The following RALGAPA2 variants were observed in gnomAD, a reference collection of about 807,000 sequenced individuals.
The protein encoded by RALGAPA2 is ral GTPase-activating protein subunit alpha-2.
A neutral mutation model predicts 230.4 loss-of-function variants in RALGAPA2; 139 were observed. The observed-to-expected ratio is 0.60, with a 90% CI of 0.53 to 0.69. The LOEUF (loss-of-function observed/expected upper bound fraction) is 0.69, where lower values mean the gene tolerates loss of function less well. Ranked by LOEUF, RALGAPA2 falls within the 30% of genes least tolerant of loss-of-function variation. The pLI, the probability that RALGAPA2 is intolerant of heterozygous loss-of-function variation, is 0.00. For missense variants in RALGAPA2, 2,163 were observed against 2,276.0 expected, an observed-to-expected ratio of 0.95 and a Z score of 1.01; for synonymous variants, 847 against 837.8, an observed-to-expected ratio of 1.01 and a Z score of -0.19.
rs1011938135 is a variant in RALGAPA2, at chr20:20,601,953, G to A, written c.2039-107C>T. The A allele has an allele frequency of 2.9e-6, 3 of 1,035,318 alleles. No homozygotes were observed. In the African/African-American group the frequency reaches 4.9e-5, roughly 17 times the overall value. 64.1% of individuals were successfully genotyped at this position (1,035,318 alleles called of 1,614,324 possible). A position where few individuals can be genotyped will look rare whatever the true frequency, so the allele number is the denominator to read the frequency against. On this transcript the variant is annotated intron_variant, in intron 15 of 39. Transcript: ENST00000202677. ...ACCTACAACTATATATAATCAGCAGGTTTCCTTGTCACAAATTAAGTACCA... is the reference window on the plus strand; with the variant it reads ...ACCTACAACTATATATAATCAGCAGATTTCCTTGTCACAAATTAAGTACCA...
intron 12 of RALGAPA2, 130 bp downstream of exon 12, chr20:20,619,147 T>C (rs929980978): frequency 5.1e-6 from 5 of 988,136 alleles, no homozygotes; most frequent in Non-Finnish European, 5.3e-6. Flanking sequence ...AAATTGCTGT[T>C]TATCGTTTAC....
chr20:20,526,891 G>A lies in RALGAPA2; in HGVS notation c.3583-529C>T, dbSNP rs2063219579. On this transcript the variant is annotated intron_variant, in intron 27 of 39. Transcript: ENST00000202677. ...CATACTAAGAATGTGTAAAATTAGA[G>A]TGTAGGAGAAGATAACTAATGAATT... 3.3e-5 allele frequency among the ~76,000 whole-genome samples: 5 copies of A among 152,318 alleles called. No homozygotes were observed. In the South Asian group the frequency reaches 1.0e-3, roughly 32 times the overall value.
At chr20:20,474,493 T>C (rs759779239) in intron 36 of RALGAPA2, among the ~76,000 whole-genome samples, 10 of 152,122 alleles carry the variant, frequency 6.6e-5, no homozygotes, top group Non-Finnish European at 8.8e-5. Context: ...CAAAGGGGAA[T>C]TATGGAGACT....
chr20:20,536,733 T>C lies in RALGAPA2; in HGVS notation c.3337A>G (p.Asn1113Asp), dbSNP rs781357309. 3 of 1,613,076 alleles carry C rather than the reference T, an allele frequency of 1.9e-6. No homozygotes were observed. The highest frequency in any genetic ancestry group is 1.3e-5 in the African/African-American group (1 of 75,002). ...TVLGSLVCFP[N>D]TYQEIPLLQS... Reference sequence around the variant, plus strand: ...AGTAAAGGAATCTCCTGGTAGGTATTTGGAAAGCAGACCAGAGAGCCGAGG... The same window carrying C: ...AGTAAAGGAATCTCCTGGTAGGTATCTGGAAAGCAGACCAGAGAGCCGAGG... The change falls in exon 25 of 40, where the codon AAT becomes GAT. Residue 1113 changes from asparagine (N) to aspartate (D), a missense_variant. Physicochemically the swap from Asn to Asp is conservative, Grantham distance 23. Coordinates refer to ENST00000202677, the MANE Select transcript of RALGAPA2 (RefSeq NM_020343.4).
intron 37 of RALGAPA2, among the ~76,000 whole-genome samples, chr20:20,440,707 A>G (rs1403860919): frequency 1.3e-5 from 2 of 152,196 alleles, no homozygotes; most frequent in African/African-American, 4.8e-5. Flanking sequence ...AGACAGCGAG[A>G]GCAGAGCACC....
intron 37 of RALGAPA2, among the ~76,000 whole-genome samples, chr20:20,445,645 A>G (rs1035627263): frequency 3.3e-5 from 5 of 152,242 alleles, no homozygotes; most frequent in African/African-American, 9.6e-5. Context: ...GATCTATAGC[A>G]TAGCCTCCAA....
intron 1 of RALGAPA2, among the ~76,000 whole-genome samples, chr20:20,709,238 G>C (rs950725801): frequency 6.6e-6 from 1 of 152,066 alleles, no homozygotes; most frequent in Admixed American, 6.6e-5. Flanking sequence ...AGAATTGCTT[G>C]AGCCCAGGAG....
intron 39 of RALGAPA2, among the ~76,000 whole-genome samples, chr20:20,395,767 C>A (rs983230055): frequency 1.3e-5 from 2 of 152,158 alleles, no homozygotes; most frequent in African/African-American, 4.8e-5. Flanking sequence ...ACAGCCCTGC[C>A]TAGCAGAGGA....
At chr20:20,477,021 A>G (rs2061668328) in intron 36 of RALGAPA2, among the ~76,000 whole-genome samples, 1 of 152,208 alleles carries the variant, frequency 6.6e-6, no homozygotes, top group Non-Finnish European at 1.5e-5. Flanking sequence ...AAGTAAAATG[A>G]ATCAATAGGC....
chr20:20,473,078 C>T (rs190795261), intron 36 of RALGAPA2, 122 bp from the exon 37 acceptor site: 42 of 1,066,352 alleles, frequency 3.9e-5, no homozygotes, highest in African/African-American at 2.4e-4. Context: ...ACAGAGCAGA[C>T]GCTGACCTTA....
chr20:20,705,497 C>A (rs944261854), intron 1 of RALGAPA2, among the ~76,000 whole-genome samples: 4 of 151,960 alleles, frequency 2.6e-5, no homozygotes, highest in Non-Finnish European at 5.9e-5. Flanking sequence ...GCAATTGCAC[C>A]CAGCTTGATT....
At chr20:20,605,140 A>C in intron 15 of RALGAPA2, 35 bp downstream of exon 15, 8 of 1,526,692 alleles carry the variant, frequency 5.2e-6, no homozygotes, top group Non-Finnish European at 5.4e-6. Context: ...CCCCAGTCCT[A>C]GACATCTGGT....
intron 38 of RALGAPA2, among the ~76,000 whole-genome samples, chr20:20,399,141 T>TGACC (rs2059778985): frequency 6.6e-6 from 1 of 152,084 alleles, no homozygotes; most frequent in South Asian, 2.1e-4. Context: ...GGTCAGGAGT[T>TGACC]TGAGACCAGC....
rs138346023 is a variant in RALGAPA2, at chr20:20,648,526, C to A, written c.329-4977G>T. Among the ~76,000 whole-genome samples, 374 of 151,914 alleles carry A rather than the reference C, an allele frequency of 2.5e-3. 4 individuals carry two copies. Among genetic ancestry groups the A allele is most frequent in the African/African-American group, 8.7e-3 (360 of 41,386 alleles). ...TACTGTGTATAAATTGTTAACCACC[C>A]CCCATAAATATTTTTTTTTTAATAT... On this transcript the variant is annotated intron_variant, in intron 4 of 39. Coordinates refer to ENST00000202677, the MANE Select transcript of RALGAPA2 (RefSeq NM_020343.4).
intron 35 of RALGAPA2, among the ~76,000 whole-genome samples, chr20:20,495,678 GTTA>G (rs1014255579): frequency 8.5e-5 from 13 of 152,074 alleles, no homozygotes; most frequent in African/African-American, 3.1e-4. Context: ...CAATTCAATG[GTTA>G]TTATGAAAAT....
chr20:20,680,847 C>T (rs2068493781), intron 1 of RALGAPA2, 46 bp from the exon 2 acceptor site: 1 of 1,514,848 alleles, frequency 6.6e-7, no homozygotes, highest in East Asian at 2.4e-5. Context: ...TTTATAAAAT[C>T]ACAAGAATTT....
intron 33 of RALGAPA2, among the ~76,000 whole-genome samples, chr20:20,508,968 C>T (rs2062618487): frequency 6.6e-6 from 1 of 152,210 alleles, no homozygotes. Context: ...TCAATTGTAC[C>T]TCATGCAACT....
chr20:20,596,771 T>A (rs1322388301), intron 16 of RALGAPA2, among the ~76,000 whole-genome samples: 3 of 152,242 alleles, frequency 2.0e-5, no homozygotes, highest in Non-Finnish European at 4.4e-5. Context: ...GATTTCACTC[T>A]GACTTAGGAT....
intron 14 of RALGAPA2, among the ~76,000 whole-genome samples, chr20:20,609,397 T>C (rs969101537): frequency 3.9e-5 from 6 of 152,102 alleles, no homozygotes; most frequent in African/African-American, 1.4e-4. Flanking sequence ...AACTCAAAAC[T>C]AAGTTTCAGG....
Sources: gnomAD v4.1 joint callset for allele counts (sites outside exome capture counted in the v4.1 genomes callset) on GRCh38, gnomAD v4.1.1 for gene constraint, MANE v1.5 for transcripts, NCBI Gene and HGNC (gene_info 2026-07-23, HGNC 2026-07-21) for gene names.